ZNF18: variants seen among roughly 807,000 people sequenced by gnomAD.
ZNF18 encodes the protein zinc finger protein 18, also known as heart development-specific gene 1 protein.
In ZNF18, 42 loss-of-function variants were observed where a neutral mutation model predicts 58.1. The observed-to-expected ratio is 0.72, with a 90% CI of 0.56 to 0.93. The LOEUF (loss-of-function observed/expected upper bound fraction) is 0.93. ZNF18 is among the 40% of genes least tolerant of loss of function. The probability of loss-of-function intolerance (pLI) is 0.00; values close to 1 mark genes in which losing one functional copy is unlikely to be tolerated. For synonymous variants in ZNF18, 231 were observed against 239.8 expected, an observed-to-expected ratio of 0.96 and a Z score of 0.34; for missense variants, 540 against 644.2, an observed-to-expected ratio of 0.84 and a Z score of 1.75.
chr17:11,992,435 CT>C lies in ZNF18; in HGVS notation c.387+7del. On this transcript the variant is annotated splice_region_variant and intron_variant, in intron 2 of 6. Transcript: ENST00000580306. ...TTTCACTCGCAGATCATAATACCCT[CT>C]GCTTACCCATTGCCACAGTCTCTGG... is the stretch of plus-strand genomic sequence containing the variant. 6.2e-7 allele frequency: 1 copy of C among 1,612,186 alleles called. No individual in the cohort carries two copies. The highest frequency in any genetic ancestry group is 8.5e-7 in the Non-Finnish European group (1 of 1,178,792).
the ZNF18 span, among the ~76,000 whole-genome samples, chr17:12,007,821 G>T: frequency 1.3e-5 from 2 of 152,138 alleles, no homozygotes; most frequent in African/African-American, 4.8e-5. Flanking sequence ...TAAAAAGCAA[G>T]CTTTTTCTTC....
chr17:12,011,638 C>A, the ZNF18 span, among the ~76,000 whole-genome samples: 13 of 151,816 alleles, frequency 8.6e-5, no homozygotes, highest in Non-Finnish European at 1.6e-4. Flanking sequence ...CCCACCTCAG[C>A]CTCCCAACAT....
the ZNF18 span, among the ~76,000 whole-genome samples, chr17:12,020,102 C>G: frequency 6.6e-6 from 1 of 152,150 alleles, no homozygotes; most frequent in East Asian, 1.9e-4. Context: ...ACAATAATGA[C>G]TACGGCTCGT....
rs755096693 is a variant in ZNF18 at position 11,983,424 on chromosome 17, G to A, written c.752-17C>T. 43 of 1,591,090 alleles carry A rather than the reference G, an allele frequency of 2.7e-5. 1 individual carries two copies. The South Asian group carries it at 4.7e-4, about 18-fold the overall frequency. Reference sequence around the variant, plus strand: ...AAATGCCTGCTATAGAGAGAAAGATGTATGGTGGGCCTGGATGAATAGGGA... The same window carrying A: ...AAATGCCTGCTATAGAGAGAAAGATATATGGTGGGCCTGGATGAATAGGGA... On this transcript the variant is annotated splice_polypyrimidine_tract_variant and intron_variant, in intron 5 of 6. Coordinates refer to ENST00000580306, the MANE Select transcript of ZNF18 (RefSeq NM_001303281.2).
chr17:11,981,606 C>G (rs940114150), intron 6 of ZNF18, among the ~76,000 whole-genome samples: 10 of 139,398 alleles, frequency 7.2e-5, no homozygotes, highest in African/African-American at 2.4e-4. Context: ...AAGGCAGTAT[C>G]TAATGGGACC....
chr17:12,012,183 G>A, the ZNF18 span, among the ~76,000 whole-genome samples: 7 of 152,026 alleles, frequency 4.6e-5, no homozygotes, highest in Non-Finnish European at 8.8e-5. Flanking sequence ...TTTAAAACAA[G>A]TAACTAAATA....
chr17:11,982,778 T>C (rs115071698), intron 6 of ZNF18, among the ~76,000 whole-genome samples: 1,662 of 152,024 alleles, frequency 0.011, 33 homozygotes, highest in African/African-American at 0.038. Flanking sequence ...TTTTACAAGA[T>C]AACAAGTTAA....
intron 6 of ZNF18, 80 bp downstream of exon 6, chr17:11,983,217 T>A: frequency 9.3e-7 from 1 of 1,076,326 alleles, no homozygotes; most frequent in Non-Finnish European, 1.4e-6. Flanking sequence ...TCCCCTGACC[T>A]CCTTCACCAC....
the ZNF18 span, among the ~76,000 whole-genome samples, chr17:12,021,155 C>T: frequency 1.3e-5 from 2 of 151,620 alleles, no homozygotes; most frequent in African/African-American, 2.4e-5. Context: ...CGCCCCGCTC[C>T]CGGCCGCCTC....
chr17:12,019,804 G>T, the ZNF18 span, among the ~76,000 whole-genome samples: 1 of 152,196 alleles, frequency 6.6e-6, no homozygotes, highest in African/African-American at 2.4e-5. Context: ...TTTTGGGAAA[G>T]AAGTCTAGCT....
intron 6 of ZNF18, among the ~76,000 whole-genome samples, chr17:11,982,090 C>T (rs559117578): frequency 5.9e-5 from 9 of 152,144 alleles, no homozygotes; most frequent in Admixed American, 5.9e-4. Flanking sequence ...CCCCAACCCC[C>T]CTCTCTGCTA....
chr17:11,997,893 T>G (rs905561558), upstream of ZNF18, among the ~76,000 whole-genome samples: 1 of 152,210 alleles, frequency 6.6e-6, no homozygotes, highest in Non-Finnish European at 1.5e-5. Context: ...CTTGCCTCAC[T>G]GGGCCTCCCT....
chr17:11,980,880 C>T (rs1301175106), intron 6 of ZNF18, among the ~76,000 whole-genome samples: 1 of 152,098 alleles, frequency 6.6e-6, no homozygotes, highest in Non-Finnish European at 1.5e-5. Context: ...ATTCATGAAA[C>T]ATTCTTCTTT....
chr17:12,002,495 C>G, the ZNF18 span: 1 of 152,074 alleles, frequency 6.6e-6, no homozygotes, highest in Non-Finnish European at 1.5e-5. Context: ...TGGCAAATAT[C>G]TTTGTTCCCA....
intron 5 of ZNF18, 72 bp downstream of exon 5, chr17:11,984,041 A>G: frequency 7.1e-7 from 1 of 1,399,898 alleles, no homozygotes; most frequent in South Asian, 1.3e-5. Flanking sequence ...ATGTCTCTAT[A>G]AGTGCATGGA....
the ZNF18 span, among the ~76,000 whole-genome samples, chr17:12,003,229 G>A: frequency 4.5e-4 from 69 of 152,228 alleles, no homozygotes; most frequent in African/African-American, 1.6e-3. Flanking sequence ...CACAAGGTCA[G>A]GTGTTCGAGA....
chr17:11,983,433 G>A (rs781354224), intron 5 of ZNF18, 26 bp from the exon 6 acceptor site: 2 of 1,571,978 alleles, frequency 1.3e-6, no homozygotes, highest in African/African-American at 1.3e-5. Flanking sequence ...TGTATGGTGG[G>A]CCTGGATGAA....
upstream of ZNF18, among the ~76,000 whole-genome samples, chr17:11,998,106 C>A (rs1394786709): frequency 7.2e-5 from 11 of 152,144 alleles, no homozygotes; most frequent in African/African-American, 2.4e-4. Context: ...CCTTCTCCTT[C>A]CCTTTCCCAC....
At chr17:12,008,444 C>G in the ZNF18 span, among the ~76,000 whole-genome samples, 1 of 152,140 alleles carries the variant, frequency 6.6e-6, no homozygotes, top group Non-Finnish European at 1.5e-5. Context: ...AAGGGATCCT[C>G]ACGCCTCAGC....
Sources: gnomAD v4.1 joint callset for allele counts (sites outside exome capture counted in the v4.1 genomes callset) on GRCh38, gnomAD v4.1.1 for gene constraint, MANE v1.5 for transcripts, NCBI Gene and HGNC (gene_info 2026-07-23, HGNC 2026-07-21) for gene names.